Variants in MAP1A observed in about 807,000 individuals in gnomAD.
MAP1A encodes the protein microtubule associated protein 1A, also known as microtubule-associated protein 1A.
Under a neutral mutation model 185.9 loss-of-function variants are expected in MAP1A, and 42 were observed. That is an observed-to-expected ratio of 0.23 (90% CI 0.18 to 0.29). The LOEUF is 0.29. Among genes scored for constraint, MAP1A ranks in the 10% least tolerant of loss-of-function variants. The pLI, the probability that MAP1A is intolerant of heterozygous loss-of-function variation, is 1.00. For missense variants in MAP1A, 2,995 were observed against 3,450.4 expected, an observed-to-expected ratio of 0.87 and a Z score of 3.31; for synonymous variants, 1,229 against 1,335.9, an observed-to-expected ratio of 0.92 and a Z score of 1.74.
chr15:43,514,760 AC>A (rs1446028758), upstream of MAP1A, among the ~76,000 whole-genome samples: 1 of 152,128 alleles, frequency 6.6e-6, no homozygotes, highest in East Asian at 1.9e-4. Flanking sequence ...TGACTTTCTA[AC>A]CCCTACAAAA....
chr15:43,525,329 A>G lies in MAP1A; in HGVS notation c.3856A>G (p.Arg1286Gly). ...QTDITDDSLD[R>G]KSPASSFSHS... ...AGACATCACAGATGACAGCCTTGAC[A>G]GGAAGTCACCTGCCAGCTCATTCTC... The change falls in exon 4 of 6, where the codon AGG becomes GGG. Residue 1286 changes from arginine to glycine, a missense_variant. Coordinates refer to ENST00000300231, the MANE Select transcript of MAP1A (RefSeq NM_002373.6). The G allele has an allele frequency of 6.2e-7, 1 of 1,614,142 alleles. No homozygotes were observed. Among genetic ancestry groups the G allele is most frequent in the Non-Finnish European group, 8.5e-7 (1 of 1,180,034 alleles).
rs761680656 is a variant in MAP1A at position 43,523,403 on chromosome 15, A to G, written c.1930A>G (p.Ser644Gly). 1.2e-6 allele frequency: 2 copies of G among 1,613,048 alleles called. No individual in the cohort carries two copies. The highest frequency in any genetic ancestry group is 1.1e-5 in the South Asian group (1 of 90,894). ...LPDRTEAREE[S>G]EPEVKEDVIE... ...AGACAGAACAGAAGCCAGAGAGGAA[A>G]GTGAACCTGAAGTAAAGGAGGATGT... Residue 644 changes from serine (S) to glycine (G), a missense_variant, in exon 4 of 6, where the codon AGT (serine) becomes GGT (glycine). By Grantham distance (56) the Ser-to-Gly change is moderately conservative (BLOSUM62 0). Around this residue, in one of 3 missense-constraint regions of MAP1A, gnomAD observed 2,728 missense variants for 2,986.0 expected, o/e 0.91. Transcript: ENST00000300231.
chr15:43,522,548 A>G lies in MAP1A; in HGVS notation c.1075A>G (p.Thr359Ala), dbSNP rs1347658640. 1.7e-5 allele frequency: 27 copies of G among 1,611,796 alleles called. No individual in the cohort carries two copies. The highest frequency in any genetic ancestry group is 1.3e-4 in the Admixed American group (8 of 59,548). ...AGAGCTGGCCAAGGAGTTAGCCAAG[A>G]CAGAGAAGAAGGCAAAAGAGTCATC... ...RSELAKELAK[T>A]EKKAKESSEK... Residue 359 changes from threonine to alanine, a missense_variant, in exon 4 of 6, where the codon ACA becomes GCA. Physicochemically the swap from Thr to Ala is moderately conservative, Grantham distance 58. This residue lies in a region of MAP1A where 2,728 missense variants were observed against 2,986.0 expected (regional missense o/e 0.91). Coordinates refer to ENST00000300231, the MANE Select transcript of MAP1A (RefSeq NM_002373.6). This position sits in a 1 kb window ranked among gnomAD's most constrained non-coding sequence, Gnocchi z 5.9.
chr15:43,518,207 GA>G (rs1286513793), intron 1 of MAP1A, among the ~76,000 whole-genome samples: 1 of 152,050 alleles, frequency 6.6e-6, no homozygotes, highest in African/African-American at 2.4e-5. Context: ...AAGAAGGGAG[GA>G]AAGGGTCACT....
intron 1 of MAP1A, among the ~76,000 whole-genome samples, chr15:43,520,169 C>T (rs941863519): frequency 1.3e-5 from 2 of 152,088 alleles, no homozygotes; most frequent in African/African-American, 4.8e-5. Context: ...CACAGAAGCT[C>T]CTATTTCCTT....
Position 43,527,181 on chromosome 15 carries a change from C to G in MAP1A, c.5708C>G (p.Ser1903Cys), listed in dbSNP as rs976289826. ...GAAELEGGPY[S>C]PLGKDYRKAE... is the part of the protein sequence containing the mutation. The stretch of plus-strand genomic sequence containing the variant: ...GCTGAGTTGGAAGGTGGGCCATACT[C>G]CCCCCTGGGGAAGGACTACCGCAAG... Residue 1903 changes from serine to cysteine, a missense_variant, in exon 4 of 6, where the codon TCC (serine) becomes TGC (cysteine). Around this residue, in one of 3 missense-constraint regions of MAP1A, gnomAD observed 2,728 missense variants for 2,986.0 expected, o/e 0.91. Transcript: ENST00000300231. The G allele has an allele frequency of 1.2e-6, 2 of 1,613,690 alleles. No individual in the cohort carries two copies. The highest frequency in any genetic ancestry group is 8.5e-7 in the Non-Finnish European group (1 of 1,179,842).
At chr15:43,511,761 G>A (rs1325546605) in intron 1 of MAP1A, among the ~76,000 whole-genome samples, 2 of 152,182 alleles carry the variant, frequency 1.3e-5, no homozygotes, top group African/African-American at 4.8e-5. Context: ...AGCCACCTGC[G>A]GGTGGAAGCA....
At position 43,525,980 on chromosome 15, in the gene MAP1A, G is replaced by A; in HGVS notation, c.4507G>A (p.Val1503Ile). 6.2e-7 allele frequency: 1 copy of A among 1,614,102 alleles called. No homozygotes were observed. The highest frequency in any genetic ancestry group is 8.5e-7 in the Non-Finnish European group (1 of 1,180,028). Residue 1503 changes from valine (V) to isoleucine (I), a missense_variant, in exon 4 of 6, where the codon GTC becomes ATC. Physicochemically the swap from Val to Ile is conservative, Grantham distance 29 (BLOSUM62 3). Transcript: ENST00000300231. ...GAAAGACAAAGCCTTAGATCAAAAAGTCAGAAGTGTTGAACATAAGGCTCC... is the reference window on the plus strand; with the variant it reads ...GAAAGACAAAGCCTTAGATCAAAAAATCAGAAGTGTTGAACATAAGGCTCC... Reference protein sequence around the residue: ...EEKDKALDQKVRSVEHKAPED... With the variant: ...EEKDKALDQKIRSVEHKAPED...
rs760924302 is a variant in MAP1A at position 43,524,188 on chromosome 15, G to A, written c.2715G>A (p.Lys905=). 4 of 1,614,074 alleles carry A rather than the reference G, an allele frequency of 2.5e-6. No individual in the cohort carries two copies. The highest frequency in any genetic ancestry group is 1.1e-5 in the South Asian group (1 of 91,084). Reference sequence around the variant, plus strand: ...CCACCTCCTCACTGGAAGAAGACAAGGGCTTCAAATCACCACCCTGTGAGG... The same window carrying A: ...CCACCTCCTCACTGGAAGAAGACAAAGGCTTCAAATCACCACCCTGTGAGG... The part of the protein sequence containing the change: ...ISPTSSLEED[K]GFKSPPCEDF... The change falls in exon 4 of 6, where the codon AAG becomes AAA. Residue 905 remains lysine (K), a synonymous_variant. Coordinates refer to ENST00000300231, the MANE Select transcript of MAP1A (RefSeq NM_002373.6).
Position 43,529,469 on chromosome 15 carries a change from A to T in MAP1A, c.7996A>T (p.Met2666Leu), listed in dbSNP as rs1332393839. 3 of 1,612,446 alleles carry T rather than the reference A, an allele frequency of 1.9e-6. No homozygotes were observed. Among genetic ancestry groups the T allele is most frequent in the Non-Finnish European group, 2.5e-6 (3 of 1,179,026 alleles). The part of the protein sequence containing the change: ...PAEEKDGHSP[M>L]SKGLVNGLKA... ...AGAGGAAAAGGATGGACACAGCCCC[A>T]TGTCCAAAGGCCTAGTCAATGGACT... The change falls in exon 4 of 6, where the codon ATG (methionine) becomes TTG (leucine). Residue 2666 changes from methionine (M) to leucine (L), a missense_variant. Transcript: ENST00000300231. The surrounding 1 kb of genome is among the most constrained non-coding windows in gnomAD (Gnocchi z 4.3).
chr15:43,525,261 C>T lies in MAP1A; in HGVS notation c.3788C>T (p.Ala1263Val), dbSNP rs774871578. The T allele has an allele frequency of 5.0e-6, 8 of 1,614,058 alleles. No individual in the cohort carries two copies. The African/African-American group carries it at 1.1e-4, about 22-fold the overall frequency. ...MSVPEPHAAT[A>V]SPPTDGTTRY... is the part of the protein sequence containing the mutation. ...GTTCCAGAGCCCCATGCAGCCACAG[C>T]GTCACCTCCCACAGATGGGACAACT... The change falls in exon 4 of 6, where the codon GCG becomes GTG. Residue 1263 changes from alanine (A) to valine (V), a missense_variant. By Grantham distance (64) the Ala-to-Val change is moderately conservative. Around this residue, in one of 3 missense-constraint regions of MAP1A, gnomAD observed 2,728 missense variants for 2,986.0 expected, o/e 0.91. Transcript: ENST00000300231.
Position 43,521,013 on chromosome 15 carries a change from A to G in MAP1A, c.-250A>G. On this transcript the variant is annotated 5_prime_UTR_variant, in exon 3 of 6. Transcript: ENST00000300231. This position sits in a 1 kb window ranked among gnomAD's most constrained non-coding sequence, Gnocchi z 4.6. ...GCAGCTCATCAGCTTATAAACTACTAATCTTGAGTGGGCAAAGTTTAGAGC... is the reference window on the plus strand; with the variant it reads ...GCAGCTCATCAGCTTATAAACTACTGATCTTGAGTGGGCAAAGTTTAGAGC... The G allele has an allele frequency of 6.5e-7, 1 of 1,549,948 alleles. No individual in the cohort carries two copies. The highest frequency in any genetic ancestry group is 8.7e-7 in the Non-Finnish European group (1 of 1,146,530).
rs1386084566 is a variant in MAP1A, at chr15:43,528,786, C to T, written c.7313C>T (p.Ala2438Val). ...GTCGAAGCTGGGCCCCAGGGATGTG[C>T]CACTGAGCCTCGGCCCCATCGTGGG... ...PEVEAGPQGCATEPRPHRGEL... is the reference protein window; with the variant it reads ...PEVEAGPQGCVTEPRPHRGEL... Residue 2438 changes from alanine to valine, a missense_variant, in exon 4 of 6, where the codon GCC (alanine) becomes GTC (valine). Transcript: ENST00000300231. The T allele has an allele frequency of 1.2e-6, 2 of 1,613,450 alleles. No homozygotes were observed. The highest frequency in any genetic ancestry group is 1.3e-5 in the African/African-American group (1 of 75,036).
Position 43,524,628 on chromosome 15 carries a change from G to C in MAP1A, c.3155G>C (p.Gly1052Ala). ...EDAAEETVKP[G>A]PEEGTLEKEE... The stretch of plus-strand genomic sequence containing the variant: ...GCTGCTGAGGAGACAGTCAAGCCAG[G>C]GCCTGAAGAGGGCACACTAGAGAAG... Residue 1052 changes from glycine to alanine, a missense_variant, in exon 4 of 6, where the codon GGG (glycine) becomes GCG (alanine). This residue lies in a region of MAP1A where 2,728 missense variants were observed against 2,986.0 expected (regional missense o/e 0.91). Transcript: ENST00000300231. 1 of 1,614,094 alleles carries C rather than the reference G, an allele frequency of 6.2e-7. No homozygotes were observed. Among genetic ancestry groups the C allele is most frequent in the Non-Finnish European group, 8.5e-7 (1 of 1,180,012 alleles).
In MAP1A at chr15:43,527,879, C is replaced by T. The variant is rs2079352779; in HGVS notation, c.6406C>T (p.Pro2136Ser). 1.2e-6 allele frequency: 2 copies of T among 1,614,146 alleles called. No individual in the cohort carries two copies. The highest frequency in any genetic ancestry group is 4.5e-5 in the East Asian group (2 of 44,872). Residue 2136 changes from proline to serine, a missense_variant, in exon 4 of 6, where the codon CCC (proline) becomes TCC (serine). Pro to Ser is a moderately conservative substitution (Grantham distance 74). Coordinates refer to ENST00000300231, the MANE Select transcript of MAP1A (RefSeq NM_002373.6). ...SPPHPIPMGS[P>S]TLWPETEAHV... ...TCCTCACCCCATTCCTATGGGGTCC[C>T]CCACATTATGGCCAGAAACTGAGGC...
At chr15:43,518,889 T>C (rs992422107) in intron 1 of MAP1A, among the ~76,000 whole-genome samples, 1 of 152,116 alleles carries the variant, frequency 6.6e-6, no homozygotes, top group Non-Finnish European at 1.5e-5. Flanking sequence ...CCATGTAATT[T>C]CAAGTCAGAA....
chr15:43,511,331 C>A, intron 1 of MAP1A: 1 of 878,290 alleles, frequency 1.1e-6, no homozygotes, highest in South Asian at 1.6e-5. Flanking sequence ...CCCTAGTGTG[C>A]ACTTCCTGAG....
At position 43,521,309 on chromosome 15, in the gene MAP1A, C is replaced by T; in HGVS notation, c.-150-15C>T. The T allele has an allele frequency of 6.3e-7, 1 of 1,589,408 alleles. No homozygotes were observed. The highest frequency in any genetic ancestry group is 8.6e-7 in the Non-Finnish European group (1 of 1,169,300). ...TCTAGTGACCTGATCAGGTTTCTATCTCCTATTCTTCTAGATTTCCCAATT... is the reference window on the plus strand; with the variant it reads ...TCTAGTGACCTGATCAGGTTTCTATTTCCTATTCTTCTAGATTTCCCAATT... On this transcript the variant is annotated splice_polypyrimidine_tract_variant and intron_variant, in intron 3 of 5. Transcript: ENST00000300231. This position sits in a 1 kb window ranked among gnomAD's most constrained non-coding sequence, Gnocchi z 4.6.
Position 43,526,179 on chromosome 15 carries a change from T to C in MAP1A, c.4706T>C (p.Ile1569Thr). Residue 1569 changes from isoleucine (I) to threonine (T), a missense_variant, in exon 4 of 6, where the codon ATT becomes ACT. Ile to Thr is a moderately conservative substitution (Grantham distance 89). Around this residue, in one of 3 missense-constraint regions of MAP1A, gnomAD observed 2,728 missense variants for 2,986.0 expected, o/e 0.91. Coordinates refer to ENST00000300231, the MANE Select transcript of MAP1A (RefSeq NM_002373.6). This position sits in a 1 kb window ranked among gnomAD's most constrained non-coding sequence, Gnocchi z 4.7. ...AAGGATGAAGCCCTGGAACAAAACA[T>C]TCAGGCTCTGGAAGAGAACCACCAA... ...GQKDEALEQN[I>T]QALEENHQTQ... 6.2e-7 allele frequency: 1 copy of C among 1,613,686 alleles called. No individual in the cohort carries two copies. Among genetic ancestry groups the C allele is most frequent in the Non-Finnish European group, 8.5e-7 (1 of 1,179,960 alleles).
Sources: gnomAD v4.1 joint callset for allele counts (sites outside exome capture counted in the v4.1 genomes callset) on GRCh38, gnomAD v4.1.1 for gene constraint, gnomAD v4.1.1 regional missense constraint, Gnocchi (gnomAD v3.1) non-coding constraint, MANE v1.5 for transcripts, NCBI Gene and HGNC (gene_info 2026-07-23, HGNC 2026-07-21) for gene names.